The following MAP2K5 variants were observed in gnomAD, a reference collection of about 807,000 sequenced individuals.
MAP2K5 encodes the protein mitogen-activated protein kinase kinase 5.
A neutral mutation model predicts 83.1 loss-of-function variants in MAP2K5; 49 were observed. That is an observed-to-expected ratio of 0.59 (90% confidence interval 0.47 to 0.75). The LOEUF (loss-of-function observed/expected upper bound fraction) is 0.75. MAP2K5 is among the 30% of genes least tolerant of loss of function. The pLI is 0.00. For synonymous variants in MAP2K5, 202 were observed against 191.8 expected, an observed-to-expected ratio of 1.05 and a Z score of -0.44; for missense variants, 457 against 557.5, an observed-to-expected ratio of 0.82 and a Z score of 1.82.
At chr15:67,579,002 C>G (rs891413246) in intron 3 of MAP2K5, among the ~76,000 whole-genome samples, 2 of 152,174 alleles carry the variant, frequency 1.3e-5, no homozygotes, top group Non-Finnish European at 2.9e-5. Context: ...ACTGAAATTA[C>G]TAGCCTATTG....
intron 9 of MAP2K5, among the ~76,000 whole-genome samples, chr15:67,639,730 C>T (rs2086674234): frequency 6.6e-6 from 1 of 152,246 alleles, no homozygotes; most frequent in African/African-American, 2.4e-5. Flanking sequence ...ATAGCATTAT[C>T]TTACATGTTT....
intron 1 of MAP2K5, among the ~76,000 whole-genome samples, chr15:67,547,518 T>G (rs982101784): frequency 1.3e-5 from 2 of 150,096 alleles, no homozygotes; most frequent in African/African-American, 4.9e-5. Context: ...TGCAGTGGCG[T>G]GATCTCGGCT....
chr15:67,650,903 A>G (rs1434271268), intron 11 of MAP2K5, among the ~76,000 whole-genome samples: 1 of 152,180 alleles, frequency 6.6e-6, no homozygotes, highest in African/African-American at 2.4e-5. Context: ...TGAAGGATTC[A>G]TGTTAATTCT....
At chr15:67,712,724 C>T (rs2088722894) in intron 16 of MAP2K5, among the ~76,000 whole-genome samples, 6 of 152,202 alleles carry the variant, frequency 3.9e-5, no homozygotes, top group Admixed American at 3.3e-4. Flanking sequence ...CAAGACCATC[C>T]TGGTTAACAT....
chr15:67,574,184 C>T (rs1017441859), intron 3 of MAP2K5, among the ~76,000 whole-genome samples: 1 of 152,144 alleles, frequency 6.6e-6, no homozygotes, highest in African/African-American at 2.4e-5. Flanking sequence ...AGCGTGGAAG[C>T]CACTTAGGGG....
intron 17 of MAP2K5, among the ~76,000 whole-genome samples, chr15:67,729,775 A>C (rs1596870043): frequency 1.3e-5 from 2 of 152,224 alleles, no homozygotes. Flanking sequence ...AAAACAAAAA[A>C]AAGAAATGGA....
intron 7 of MAP2K5, among the ~76,000 whole-genome samples, chr15:67,597,267 T>A (rs1381629103): frequency 6.6e-6 from 1 of 152,238 alleles, no homozygotes; most frequent in Non-Finnish European, 1.5e-5. Context: ...TGTGTGATTT[T>A]AAAAACATTT....
rs184857409 is a variant in MAP2K5, at chr15:67,702,445, A to T, written c.973-892A>T. ...TGAATTGGATATTGGGGTGTAAGTTATGATCTCAGCCTTGCCATGATTAGC... is the reference window on the plus strand; with the variant it reads ...TGAATTGGATATTGGGGTGTAAGTTTTGATCTCAGCCTTGCCATGATTAGC... On this transcript the variant is annotated intron_variant, in intron 15 of 21. Coordinates refer to ENST00000178640, the MANE Select transcript of MAP2K5 (RefSeq NM_145160.3). The surrounding 1 kb of genome is among the most constrained non-coding windows in gnomAD (Gnocchi z 4.6). Among the ~76,000 whole-genome samples, 19 of 152,356 alleles carry T rather than the reference A, an allele frequency of 1.2e-4. No homozygotes were observed. The highest frequency in any genetic ancestry group is 5.9e-5 in the Non-Finnish European group (4 of 68,042).
At chr15:67,759,634 C>T (rs2089912120) in intron 19 of MAP2K5, among the ~76,000 whole-genome samples, 1 of 151,950 alleles carries the variant, frequency 6.6e-6, no homozygotes, top group African/African-American at 2.4e-5. Context: ...TCATCTTTTA[C>T]CTTAGAGACT....
At chr15:67,544,977 T>C (rs1180756459) in intron 1 of MAP2K5, among the ~76,000 whole-genome samples, 1 of 152,170 alleles carries the variant, frequency 6.6e-6, no homozygotes, top group African/African-American at 2.4e-5. Flanking sequence ...GGCTCCTTCA[T>C]GTGGTCCTCT....
chr15:67,637,143 A>G lies in MAP2K5; in HGVS notation c.585+6216A>G, dbSNP rs933626314. On this transcript the variant is annotated intron_variant, in intron 9 of 21. Transcript: ENST00000178640. The surrounding 1 kb of genome is among the most constrained non-coding windows in gnomAD (Gnocchi z 4.5). Reference sequence around the variant, plus strand: ...TGAAGGCTGCACTGTTGGCTTCCCTACTTTTGAGGTTTTCAGACTTGGACT... The same window carrying G: ...TGAAGGCTGCACTGTTGGCTTCCCTGCTTTTGAGGTTTTCAGACTTGGACT... 1.3e-5 allele frequency among the ~76,000 whole-genome samples: 2 copies of G among 151,996 alleles called. No homozygotes were observed. The highest frequency in any genetic ancestry group is 1.9e-4 in the East Asian group (1 of 5,174).
intron 16 of MAP2K5, among the ~76,000 whole-genome samples, chr15:67,714,454 AAC>A (rs2088783572): frequency 5.0e-5 from 6 of 119,086 alleles, no homozygotes; most frequent in African/African-American, 1.8e-4. Flanking sequence ...AAAAAAAAAA[AAC>A]CACCACCCTG....
At chr15:67,767,866 T>A (rs530772415) in intron 19 of MAP2K5, among the ~76,000 whole-genome samples, 2 of 152,312 alleles carry the variant, frequency 1.3e-5, no homozygotes, top group South Asian at 4.1e-4. Flanking sequence ...CTTGGCAAGA[T>A]TTTATTTCAC....
chr15:67,772,289 T>A (rs1176195209), intron 20 of MAP2K5, among the ~76,000 whole-genome samples: 1 of 152,204 alleles, frequency 6.6e-6, no homozygotes, highest in Non-Finnish European at 1.5e-5. Flanking sequence ...TCATGTTTCT[T>A]TCCTTACTGT....
At chr15:67,739,068 C>G (rs8030996) in intron 17 of MAP2K5, among the ~76,000 whole-genome samples, 68,214 of 151,634 alleles carry the variant, frequency 0.45, 16,137 homozygotes, top group Non-Finnish European at 0.53. Flanking sequence ...TCACGTGAGC[C>G]CAGGAGTTTG....
At chr15:67,671,662 T>C (rs2087539471) in intron 13 of MAP2K5, among the ~76,000 whole-genome samples, 1 of 152,168 alleles carries the variant, frequency 6.6e-6, no homozygotes, top group South Asian at 2.1e-4. Context: ...TTTTTTCTTT[T>C]ATTTTTATTA....
chr15:67,740,163 G>A (rs2089461752), intron 17 of MAP2K5, among the ~76,000 whole-genome samples: 1 of 152,196 alleles, frequency 6.6e-6, no homozygotes, highest in South Asian at 2.1e-4. Flanking sequence ...ACTCATTTCT[G>A]TGGGCCAGCA....
chr15:67,611,964 C>T (rs777632366), intron 8 of MAP2K5, among the ~76,000 whole-genome samples: 6 of 152,094 alleles, frequency 3.9e-5, no homozygotes, highest in Non-Finnish European at 7.4e-5. Flanking sequence ...TTCCTTGGAA[C>T]GTGTAATCTC....
chr15:67,602,580 C>T lies in MAP2K5; in HGVS notation c.545+1831C>T, dbSNP rs920112346. Among the ~76,000 whole-genome samples, 3 of 152,182 alleles carry T rather than the reference C, an allele frequency of 2.0e-5. No homozygotes were observed. In the East Asian group the frequency reaches 5.8e-4, roughly 29 times the overall value. On this transcript the variant is annotated intron_variant, in intron 8 of 21. Transcript: ENST00000178640. The stretch of plus-strand genomic sequence containing the variant: ...GAAGAAGCATAAGACCATGAAACCC[C>T]AGCAGAATTTTTACGAGACATAATA...
Sources: allele counts gnomAD v4.1 joint callset (sites outside exome capture counted in the v4.1 genomes callset), GRCh38; gene constraint gnomAD v4.1.1; non-coding constraint Gnocchi (gnomAD v3.1); transcripts MANE v1.5; gene names NCBI Gene and HGNC (gene_info 2026-07-23, HGNC 2026-07-21).